KPNA2: variants seen among roughly 807,000 people sequenced by gnomAD.
The protein encoded by KPNA2 is karyopherin subunit alpha 2.
KPNA2 carries 20 observed loss-of-function variants against 53.7 expected under a neutral mutation model. The ratio of observed to expected loss-of-function variants is 0.37; its 90% confidence interval spans 0.26 to 0.54. The LOEUF (loss-of-function observed/expected upper bound fraction) is 0.54. Ranked by LOEUF, KPNA2 falls within the 20% of genes least tolerant of loss-of-function variation. The pLI, the probability that KPNA2 is intolerant of heterozygous loss-of-function variation, is 0.83. For synonymous variants in KPNA2, 238 were observed against 227.5 expected (o/e 1.05, Z -0.42); for missense variants, 515 against 640.3 (o/e 0.80, Z 2.11).
intron 4 of KPNA2, among the ~76,000 whole-genome samples, chr17:68,041,432 G>T (rs1314219510): frequency 3.9e-5 from 6 of 152,156 alleles, no homozygotes; most frequent in Non-Finnish European, 7.3e-5. Context: ...GGTGGCACAT[G>T]CCTGTAATCT....
chr17:68,036,948 C>T (rs2071196911), intron 1 of KPNA2, 162 bp from the exon 2 acceptor site: 2 of 572,536 alleles, frequency 3.5e-6, no homozygotes, highest in Admixed American at 3.6e-5. Context: ...GGACACTTCC[C>T]CTTTGGGTAA....
At position 68,039,948 on chromosome 17, in the gene KPNA2, C is replaced by T. The variant is rs537357288; in HGVS notation, c.214-730C>T. Among the ~76,000 whole-genome samples the T allele has an allele frequency of 1.3e-3, 199 of 151,394 alleles. 2 individuals are homozygous for T. Among genetic ancestry groups the T allele is most frequent in the African/African-American group, 4.6e-3 (191 of 41,206 alleles). On this transcript the variant is annotated intron_variant, in intron 3 of 10. Transcript: ENST00000330459. ...AAAAAAAATTAGCCAGGCATGGTGG[C>T]GCATGCCTATAATCTCAGGTACTTG...
At chr17:68,046,377 A>G (rs1555705419) in intron 10 of KPNA2, 127 bp from the exon 11 acceptor site, 3 of 605,296 alleles carry the variant, frequency 5.0e-6, no homozygotes, top group East Asian at 5.8e-5. Flanking sequence ...GTCAAATACT[A>G]TAATATCATA....
chr17:68,039,253 TGGGATCACAG>T (rs2071225255), intron 3 of KPNA2, among the ~76,000 whole-genome samples: 1 of 151,982 alleles, frequency 6.6e-6, no homozygotes, highest in East Asian at 2.0e-4. Context: ...CCCAAGTAGC[TGGGATCACAG>T]GGGATCACCA....
chr17:68,037,622 TC>T (rs2071205762), intron 3 of KPNA2, 127 bp downstream of exon 3: 7 of 909,054 alleles, frequency 7.7e-6, no homozygotes, highest in Non-Finnish European at 1.2e-5. Context: ...AACATCTTTT[TC>T]TCTGTTTGCA....
chr17:68,041,289 T>C (rs7207593), intron 4 of KPNA2, among the ~76,000 whole-genome samples: 133,119 of 152,276 alleles, frequency 0.87, 60,982 homozygotes, highest in East Asian at 1. Context: ...CTAGGCTGGG[T>C]GCTGTGGCTC....
chr17:68,046,365 A>G (rs2071330662), intron 10 of KPNA2, 139 bp from the exon 11 acceptor site: 1 of 549,194 alleles, frequency 1.8e-6, no homozygotes. Context: ...TCCCTCCTCT[A>G]TGTCAAATAC....
In KPNA2 at chr17:68,042,762, G is replaced by T. The variant is rs1337005356; in HGVS notation, c.572-143G>T. 26 of 697,016 alleles carry T rather than the reference G, an allele frequency of 3.7e-5. 1 individual carries two copies. Among genetic ancestry groups the T allele is most frequent in the South Asian group, 5.3e-5 (3 of 57,090 alleles). The allele number at this position is 697,016 out of a possible 1,614,324, so 43.2% of individuals were successfully genotyped here. On this transcript the variant is annotated intron_variant, in intron 5 of 10. Coordinates refer to ENST00000330459, the MANE Select transcript of KPNA2 (RefSeq NM_002266.4). ...CCGGGCGTGGCGGCGGGCGCCTGAG[G>T]CTGAGGCAGGAGAATGGCTTGAACC...
intron 9 of KPNA2, 199 bp from the exon 10 acceptor site, chr17:68,045,573 G>C: frequency 2.2e-6 from 1 of 448,972 alleles, no homozygotes; most frequent in South Asian, 5.3e-5. Flanking sequence ...AGTTGAAGTA[G>C]TGCTAAAAGC....
intron 4 of KPNA2, among the ~76,000 whole-genome samples, chr17:68,041,302 T>G (rs6504577): frequency 0.94 from 143,116 of 152,306 alleles, 67,904 homozygotes; most frequent in East Asian, 1. Context: ...TGTGGCTCAT[T>G]CCTGTAATCC....
chr17:68,043,886 C>G lies in KPNA2; in HGVS notation c.979C>G (p.Gln327Glu), dbSNP rs2144219378. The change falls in exon 8 of 11, where the codon CAG becomes GAG. Residue 327 changes from glutamine (Q) to glutamate (E), a missense_variant. Transcript: ENST00000330459. ...IGNIVTGTDE[Q>E]TQVVIDAGAL... ...GAATATTGTCACTGGTACAGATGAA[C>G]AGACTCAGGTTGTGATTGATGCAGG... The G allele has an allele frequency of 3.1e-6, 5 of 1,612,948 alleles. No individual in the cohort carries two copies. Among genetic ancestry groups the G allele is most frequent in the African/African-American group, 1.3e-5 (1 of 74,740 alleles).
chr17:68,043,806 T>A, intron 7 of KPNA2, 32 bp from the exon 8 acceptor site: 1 of 1,378,326 alleles, frequency 7.3e-7, no homozygotes, highest in Middle Eastern at 1.8e-4. Context: ...GGGGAAAAAA[T>A]AACCAGCATC....
At position 68,042,164 on chromosome 17, in the gene KPNA2, T is replaced by G; in HGVS notation, c.382T>G (p.Leu128Val). The change falls in exon 5 of 11, where the codon TTG becomes GTG. Residue 128 changes from leucine to valine, a missense_variant. Coordinates refer to ENST00000330459, the MANE Select transcript of KPNA2 (RefSeq NM_002266.4). ...AGLIPKFVSFLGRTDCSPIQF... is the reference protein window; with the variant it reads ...AGLIPKFVSFVGRTDCSPIQF... ...TTTGATTCCGAAATTTGTGTCCTTC[T>G]TGGGCAGAACTGATTGTAGTCCCAT... is the stretch of plus-strand genomic sequence containing the variant. The G allele has an allele frequency of 6.2e-7, 1 of 1,614,034 alleles. No homozygotes were observed. Among genetic ancestry groups the G allele is most frequent in the Non-Finnish European group, 8.5e-7 (1 of 1,179,882 alleles).
intron 7 of KPNA2, among the ~76,000 whole-genome samples, 158 bp downstream of exon 7, chr17:68,043,521 T>C (rs1448670968): frequency 6.6e-6 from 1 of 151,994 alleles, no homozygotes; most frequent in Non-Finnish European, 1.5e-5. Context: ...CTGGCCAACA[T>C]TGTGAAAGCC....
intron 3 of KPNA2, 40 bp from the exon 4 acceptor site, chr17:68,040,638 A>T: frequency 7.5e-7 from 1 of 1,324,672 alleles, no homozygotes; most frequent in East Asian, 2.3e-5. Context: ...GTTTGTATTT[A>T]ATCTTAATGA....
At position 68,046,602 on chromosome 17, in the gene KPNA2, G is replaced by T. The variant is rs2071334487; in HGVS notation, c.*6G>T. On this transcript the variant is annotated 3_prime_UTR_variant, in exon 11 of 11. Coordinates refer to ENST00000330459, the MANE Select transcript of KPNA2 (RefSeq NM_002266.4). ...CTGGGACCTTTAACTTTTAGATCAT[G>T]TAGCTGAGACATAAATTTGTTGTGT... 1 of 1,558,100 alleles carries T rather than the reference G, an allele frequency of 6.4e-7. No individual in the cohort carries two copies. Among genetic ancestry groups the T allele is most frequent in the Non-Finnish European group, 8.8e-7 (1 of 1,130,678 alleles).
chr17:68,042,694 AAC>A (rs1225896949), intron 5 of KPNA2, among the ~76,000 whole-genome samples: 1 of 152,040 alleles, frequency 6.6e-6, no homozygotes, highest in Non-Finnish European at 1.5e-5. Flanking sequence ...CATCCTGGCT[AAC>A]ACAGTGAAAC....
In KPNA2 at chr17:68,042,297, C is replaced by T. The variant is rs1555704662; in HGVS notation, c.515C>T (p.Ala172Val). 2 of 1,614,060 alleles carry T rather than the reference C, an allele frequency of 1.2e-6. No individual in the cohort carries two copies. Among genetic ancestry groups the T allele is most frequent in the South Asian group, 1.1e-5 (1 of 91,088 alleles). Residue 172 changes from alanine to valine, a missense_variant, in exon 5 of 11, where the codon GCA (alanine) becomes GTA (valine). Coordinates refer to ENST00000330459, the MANE Select transcript of KPNA2 (RefSeq NM_002266.4). ...GAIPAFISLL[A>V]SPHAHISEQA... is the part of the protein sequence containing the mutation. ...ATCCCAGCATTCATTTCTCTGTTGG[C>T]ATCTCCCCATGCTCACATCAGTGAA... is the stretch of plus-strand genomic sequence containing the variant.
rs782043360 is a variant in KPNA2 at position 68,044,447 on chromosome 17, G to A, written c.1291G>A (p.Ala431Thr). 28 of 1,613,902 alleles carry A rather than the reference G, an allele frequency of 1.7e-5. No homozygotes were observed. The change falls in exon 9 of 11, where the codon GCA (alanine) becomes ACA (threonine). Residue 431 changes from alanine to threonine, a missense_variant. By Grantham distance (58) the Ala-to-Thr change is moderately conservative (BLOSUM62 0). Coordinates refer to ENST00000330459, the MANE Select transcript of KPNA2 (RefSeq NM_002266.4). ...AGAACCGTTGATGAACCTCTTAACT[G>A]CAAAAGATACCAAGATTATTCTGGT... ...IIEPLMNLLT[A>T]KDTKIILVIL... is the part of the protein sequence containing the mutation.
Sources: gnomAD v4.1 joint callset for allele counts (sites outside exome capture counted in the v4.1 genomes callset) on GRCh38, gnomAD v4.1.1 for gene constraint, MANE v1.5 for transcripts, NCBI Gene and HGNC (gene_info 2026-07-23, HGNC 2026-07-21) for gene names.